ADAMTSL4: variants seen among roughly 807,000 people sequenced by gnomAD.
The protein encoded by ADAMTSL4 is ADAMTS-like protein 4.
ADAMTSL4 carries 97 observed loss-of-function variants against 122.8 expected under a neutral mutation model. The observed-to-expected ratio is 0.79, with a 90% CI of 0.67 to 0.93. The LOEUF (loss-of-function observed/expected upper bound fraction) is 0.93. Among genes scored for constraint, ADAMTSL4 ranks in the 40% least tolerant of loss-of-function variants. The pLI, the probability that ADAMTSL4 is intolerant of heterozygous loss-of-function variation, is 0.00. For missense variants in ADAMTSL4, 1,408 were observed against 1,453.5 expected, an observed-to-expected ratio of 0.97 and a Z score of 0.51; for synonymous variants, 592 against 568.0, an observed-to-expected ratio of 1.04 and a Z score of -0.60.
rs771617093 is a variant in ADAMTSL4 at position 150,557,964 on chromosome 1, A to C, written c.2197A>C (p.Thr733Pro). 3 of 1,608,864 alleles carry C rather than the reference A, an allele frequency of 1.9e-6. No individual in the cohort carries two copies. In the East Asian group the frequency reaches 6.7e-5, roughly 36 times the overall value. Residue 733 changes from threonine (T) to proline (P), a missense_variant, in exon 14 of 19, where the codon ACA becomes CCA. Coordinates refer to ENST00000271643, the MANE Select transcript of ADAMTSL4 (RefSeq NM_019032.6). Reference sequence around the variant, plus strand: ...CTGCAGCTGGGAGGCTGGCGAGTGGACATCCTGCAGCCGCTCCTGTGGCCC... The same window carrying C: ...CTGCAGCTGGGAGGCTGGCGAGTGGCCATCCTGCAGCCGCTCCTGTGGCCC... Reference protein sequence around the residue: ...CPPYWEAGEWTSCSRSCGPGT... With the variant: ...CPPYWEAGEWPSCSRSCGPGT...
Position 150,556,094 on chromosome 1 carries a change from G to T in ADAMTSL4, c.1372-68G>T, listed in dbSNP as rs1672076216. On this transcript the variant is annotated intron_variant, in intron 8 of 18. Transcript: ENST00000271643. This position sits in a 1 kb window ranked among gnomAD's most constrained non-coding sequence, Gnocchi z 4.1. ...CAGGGTAGTGAGCTGAGGCTCCCGA[G>T]GGGACCGGGGTGGGGTTGAGGTGGT... 6.4e-7 allele frequency: 1 copy of T among 1,574,766 alleles called. No individual in the cohort carries two copies. Among genetic ancestry groups the T allele is most frequent in the Non-Finnish European group, 8.7e-7 (1 of 1,149,608 alleles).
intron 2 of ADAMTSL4, chr1:150,550,678 A>G (rs1478265727): frequency 2.2e-6 from 1 of 449,974 alleles, no homozygotes; most frequent in African/African-American, 2.0e-5. Context: ...TTCTCTGGAG[A>G]TCCTGGCCTC....
chr1:150,555,341 G>A, intron 7 of ADAMTSL4, 88 bp from the exon 8 acceptor site: 1 of 1,553,138 alleles, frequency 6.4e-7, no homozygotes, highest in South Asian at 1.1e-5. Context: ...CAGTGACCTG[G>A]GCAACCTCAA....
chr1:150,559,201 G>A lies in ADAMTSL4; in HGVS notation c.2763+36G>A. ...CGCCTGCTGAGAGCAGGAAGGGGGTGCCAGTCCCAGTGGGATTCCTTGTGG... is the reference window on the plus strand; with the variant it reads ...CGCCTGCTGAGAGCAGGAAGGGGGTACCAGTCCCAGTGGGATTCCTTGTGG... On this transcript the variant is annotated intron_variant, in intron 16 of 18. Transcript: ENST00000271643. The surrounding 1 kb of genome is among the most constrained non-coding windows in gnomAD (Gnocchi z 4.1). 3 of 1,611,928 alleles carry A rather than the reference G, an allele frequency of 1.9e-6. No homozygotes were observed. Among genetic ancestry groups the A allele is most frequent in the Non-Finnish European group, 2.5e-6 (3 of 1,179,164 alleles).
chr1:150,554,191 C>T lies in ADAMTSL4; in HGVS notation c.1131+69C>T. 6.4e-7 allele frequency: 1 copy of T among 1,555,872 alleles called. No individual in the cohort carries two copies. The highest frequency in any genetic ancestry group is 8.7e-7 in the Non-Finnish European group (1 of 1,143,602). ...TGGCTTCCCTGCCCTGAAGCTGGGT[C>T]TTCAGCTTCCGCTTGGCACCTGAGG... On this transcript the variant is annotated intron_variant, in intron 6 of 18. Transcript: ENST00000271643. The surrounding 1 kb of genome is among the most constrained non-coding windows in gnomAD (Gnocchi z 4.0).
At position 150,559,450 on chromosome 1, in the gene ADAMTSL4, C is replaced by T; in HGVS notation, c.2927C>T (p.Ser976Phe). The change falls in exon 17 of 19, where the codon TCC (serine) becomes TTC (phenylalanine). Residue 976 changes from serine (S) to phenylalanine (F), a missense_variant. Transcript: ENST00000271643. This position sits in a 1 kb window ranked among gnomAD's most constrained non-coding sequence, Gnocchi z 4.1. Reference protein sequence around the residue: ...QGQACQDRWFSTPWSPCSRSC... With the variant: ...QGQACQDRWFFTPWSPCSRSC... ...CAGGCCTGCCAGGACCGATGGTTTT[C>T]CACGCCCTGGAGCCCAGTGAGTGTC... 1.2e-6 allele frequency: 2 copies of T among 1,613,428 alleles called. No homozygotes were observed. Among genetic ancestry groups the T allele is most frequent in the Non-Finnish European group, 1.7e-6 (2 of 1,179,994 alleles).
In ADAMTSL4 at chr1:150,556,702, C is replaced by A; in HGVS notation, c.1658C>A (p.Thr553Asn). The change falls in exon 10 of 19, where the codon ACC becomes AAC. Residue 553 changes from threonine (T) to asparagine (N), a missense_variant. Thr to Asn is a moderately conservative substitution (Grantham distance 65). Transcript: ENST00000271643. The surrounding 1 kb of genome is among the most constrained non-coding windows in gnomAD (Gnocchi z 4.1). ...DPPGSYRAGG[T>N]VFRYNRPPRE... ...CCTGGGTCCTACAGGGCCGGCGGGA[C>A]CGTCTTTCGATATAACCGTCCTCCC... 6.2e-7 allele frequency: 1 copy of A among 1,613,992 alleles called. No individual in the cohort carries two copies. Among genetic ancestry groups the A allele is most frequent in the African/African-American group, 1.3e-5 (1 of 74,980 alleles).
chr1:150,558,095 G>C lies in ADAMTSL4; in HGVS notation c.2328G>C (p.Gln776His). 1.2e-6 allele frequency: 2 copies of C among 1,613,294 alleles called. No individual in the cohort carries two copies. Among genetic ancestry groups the C allele is most frequent in the Non-Finnish European group, 1.7e-6 (2 of 1,180,018 alleles). ...ATCTCCCCCGGCCCAACATCACCCA[G>C]TCTTGCCAGCTGCGCCTCTGTGGCC... ...CGHLPRPNIT[Q>H]SCQLRLCGHW... The change falls in exon 14 of 19, where the codon CAG (glutamine) becomes CAC (histidine). Residue 776 changes from glutamine (Q) to histidine (H), a missense_variant. Transcript: ENST00000271643.
chr1:150,560,073 G>A lies in ADAMTSL4; in HGVS notation c.3102G>A (p.Lys1034=), dbSNP rs1433176542. ...CTCTGTCCCCAGATGATCAATGCAA[G>A]GACAGCTCTCCACATTGCCCCCTGG... ...PCSQRPDDQC[K]DSSPHCPLVV... is the part of the protein sequence containing the mutation. Residue 1034 remains lysine (K), a synonymous_variant, in exon 19 of 19, where the codon AAG becomes AAA. Coordinates refer to ENST00000271643, the MANE Select transcript of ADAMTSL4 (RefSeq NM_019032.6). 6.2e-7 allele frequency: 1 copy of A among 1,614,084 alleles called. No homozygotes were observed. Among genetic ancestry groups the A allele is most frequent in the Admixed American group, 1.7e-5 (1 of 60,028 alleles).
intron 15 of ADAMTSL4, 127 bp from the exon 16 acceptor site, chr1:150,558,835 C>A (rs759267258): frequency 6.5e-7 from 1 of 1,538,336 alleles, no homozygotes; most frequent in Non-Finnish European, 8.7e-7. Flanking sequence ...TCGTCCGGGC[C>A]TGGTACCCGG....
rs764148151 is a variant in ADAMTSL4, at chr1:150,554,347, T to C, written c.1132-18T>C. On this transcript the variant is annotated intron_variant, in intron 6 of 18. Coordinates refer to ENST00000271643, the MANE Select transcript of ADAMTSL4 (RefSeq NM_019032.6). The surrounding 1 kb of genome is among the most constrained non-coding windows in gnomAD (Gnocchi z 4.0). ...ATTTTGCTCCCCAGCTCTGACTCCTTTGTACCCCTCACCGCAGCCCTGCCC... is the reference window on the plus strand; with the variant it reads ...ATTTTGCTCCCCAGCTCTGACTCCTCTGTACCCCTCACCGCAGCCCTGCCC... 1.5e-5 allele frequency: 24 copies of C among 1,609,274 alleles called. 1 individual carries two copies. Among genetic ancestry groups the C allele is most frequent in the Middle Eastern group, 2.1e-4 (1 of 4,756 alleles).
Position 150,552,077 on chromosome 1 carries a change from G to A in ADAMTSL4, c.-84-128G>A. 1.6e-6 allele frequency: 1 copy of A among 609,492 alleles called. No homozygotes were observed. Among genetic ancestry groups the A allele is most frequent in the Admixed American group, 3.0e-5 (1 of 33,782 alleles). 37.8% of individuals were successfully genotyped at this position (609,492 alleles called of 1,614,324 possible). ...GATGGACAAGGCAGTGATCCTCCCTGCTCCCACCCTGAGGATCCTAAAGGG... is the reference window on the plus strand; with the variant it reads ...GATGGACAAGGCAGTGATCCTCCCTACTCCCACCCTGAGGATCCTAAAGGG... On this transcript the variant is annotated intron_variant, in intron 2 of 18. Coordinates refer to ENST00000271643, the MANE Select transcript of ADAMTSL4 (RefSeq NM_019032.6). This position sits in a 1 kb window ranked among gnomAD's most constrained non-coding sequence, Gnocchi z 4.0.
intron 2 of ADAMTSL4, chr1:150,551,944 C>T (rs1671451068): frequency 5.7e-6 from 2 of 347,846 alleles, no homozygotes; most frequent in South Asian, 2.0e-4. Flanking sequence ...AGAAACAGTC[C>T]CTAGGTAGGA....
chr1:150,552,432 T>C lies in ADAMTSL4; in HGVS notation c.21-111T>C. On this transcript the variant is annotated intron_variant, in intron 3 of 18. Transcript: ENST00000271643. This position sits in a 1 kb window ranked among gnomAD's most constrained non-coding sequence, Gnocchi z 4.0. ...GGGGAAGTGATGAGTAACTTCTGCT[T>C]TCTGAGAAGTTGGTAGTCAGGATAT... The C allele has an allele frequency of 1.3e-6, 2 of 1,561,008 alleles. No homozygotes were observed. The highest frequency in any genetic ancestry group is 1.8e-6 in the Non-Finnish European group (2 of 1,137,986).
At chr1:150,551,041 G>A (rs780457011) in intron 2 of ADAMTSL4, 3 of 455,730 alleles carry the variant, frequency 6.6e-6, no homozygotes, top group Non-Finnish European at 1.3e-5. Flanking sequence ...AGGAGCAGGG[G>A]TGGGAAGGAC....
In ADAMTSL4 at chr1:150,553,132, C is replaced by G; in HGVS notation, c.313C>G (p.Gln105Glu). ...LLPRGQGPRP[Q>E]TSPETLPLYR... is the part of the protein sequence containing the mutation. Reference sequence around the variant, plus strand: ...CCCCCGGGGCCAGGGTCCCAGACCCCAGACTTCTCCAGAAACCCTCCCCTT... The same window carrying G: ...CCCCCGGGGCCAGGGTCCCAGACCCGAGACTTCTCCAGAAACCCTCCCCTT... Residue 105 changes from glutamine to glutamate, a missense_variant, in exon 5 of 19, where the codon CAG (glutamine) becomes GAG (glutamate). Gln to Glu is a conservative substitution (Grantham distance 29). Transcript: ENST00000271643. 6.2e-7 allele frequency: 1 copy of G among 1,613,178 alleles called. No homozygotes were observed. Among genetic ancestry groups the G allele is most frequent in the Non-Finnish European group, 8.5e-7 (1 of 1,179,724 alleles).
rs756169149 is a variant in ADAMTSL4 at position 150,554,598 on chromosome 1, C to G, written c.1234+131C>G. 24 of 1,550,336 alleles carry G rather than the reference C, an allele frequency of 1.5e-5. No individual in the cohort carries two copies. Among genetic ancestry groups the G allele is most frequent in the Admixed American group, 7.8e-5 (4 of 51,060 alleles). ...GCTTCCCCTGCGCCATGCCTTCTTT[C>G]TTCTCCCTGGGGCTGGGTCAGGAGA... On this transcript the variant is annotated intron_variant, in intron 7 of 18. Coordinates refer to ENST00000271643, the MANE Select transcript of ADAMTSL4 (RefSeq NM_019032.6). This position sits in a 1 kb window ranked among gnomAD's most constrained non-coding sequence, Gnocchi z 4.0.
Position 150,549,517 on chromosome 1 carries a change from A to G in ADAMTSL4, c.-159+18A>G, listed in dbSNP as rs1553910313. ...CAGAGCAGGTAGAGACCTCCCCGGG[A>G]CCCCGGCCCCGGCCGCCCCTCTCCC... is the stretch of plus-strand genomic sequence containing the variant. On this transcript the variant is annotated intron_variant, in intron 1 of 18. Transcript: ENST00000271643. The surrounding 1 kb of genome is among the most constrained non-coding windows in gnomAD (Gnocchi z 5.0). 3 of 151,776 alleles carry G rather than the reference A, an allele frequency of 2.0e-5. No individual in the cohort carries two copies. The highest frequency in any genetic ancestry group is 4.4e-5 in the Non-Finnish European group (3 of 67,982). 9.4% of individuals were successfully genotyped at this position (151,776 alleles called of 1,614,324 possible). A position where few individuals can be genotyped will look rare whatever the true frequency, so the allele number is the denominator to read the frequency against.
intron 8 of ADAMTSL4, chr1:150,555,843 A>G (rs1672040086): frequency 1.6e-6 from 1 of 607,664 alleles, no homozygotes; most frequent in African/African-American, 1.8e-5. Context: ...ACATGCACAC[A>G]CATGTAGACA....
Sources: gnomAD v4.1 joint callset for allele counts on GRCh38, gnomAD v4.1.1 for gene constraint, Gnocchi (gnomAD v3.1) non-coding constraint, MANE v1.5 for transcripts, NCBI Gene and HGNC (gene_info 2026-07-23, HGNC 2026-07-21) for gene names.